PER2: variants seen among roughly 807,000 people sequenced by gnomAD.
PER2 encodes the protein period circadian protein homolog 2.
In PER2, 66 loss-of-function variants were observed where a neutral mutation model predicts 121.0. That is an observed-to-expected ratio of 0.55 (90% confidence interval 0.45 to 0.67). The LOEUF (loss-of-function observed/expected upper bound fraction) is 0.67. Among genes scored for constraint, PER2 ranks in the 30% least tolerant of loss-of-function variants. The pLI is 0.00. For missense variants in PER2, 1,521 were observed against 1,635.0 expected (o/e 0.93, Z 1.20); for synonymous variants, 684 against 659.9 (o/e 1.04, Z -0.56).
chr2:238,286,194 C>G (rs1696777126), intron 1 of PER2, among the ~76,000 whole-genome samples: 1 of 152,102 alleles, frequency 6.6e-6, no homozygotes, highest in Admixed American at 6.5e-5. Context: ...CTGAGCTACT[C>G]CGAATTGCAG....
chr2:238,277,791 G>A lies in PER2; in HGVS notation c.146C>T (p.Thr49Met), dbSNP rs760615417. The A allele has an allele frequency of 2.3e-5, 37 of 1,614,040 alleles. No individual in the cohort carries two copies. In the Admixed American group the frequency reaches 3.5e-4, roughly 15 times the overall value. Residue 49 changes from threonine (T) to methionine (M), a missense_variant, in exon 2 of 23, where the codon ACG becomes ATG. Thr to Met is a moderately conservative substitution (Grantham distance 81, BLOSUM62 -1). Coordinates refer to ENST00000254657, the MANE Select transcript of PER2 (RefSeq NM_022817.3). ...GTCACTGCCCTGCGAGTCCCGCCCCGTGGAGCAGTTTTCGTTGGTCTCATG... is the reference window on the plus strand; with the variant it reads ...GTCACTGCCCTGCGAGTCCCGCCCCATGGAGCAGTTTTCGTTGGTCTCATG... ...SGHETNENCSTGRDSQGSDCD... is the reference protein window; with the variant it reads ...SGHETNENCSMGRDSQGSDCD...
At chr2:238,295,730 C>G in the PER2 span, 1 of 158,010 alleles carries the variant, frequency 6.3e-6, no homozygotes, top group African/African-American at 2.4e-5. Context: ...TCCTCCTCAA[C>G]AGATGGAGTC....
intron 16 of PER2, among the ~76,000 whole-genome samples, chr2:238,257,657 A>G (rs1695803767): frequency 6.6e-6 from 1 of 152,160 alleles, no homozygotes; most frequent in South Asian, 2.1e-4. Flanking sequence ...TATTTTTAGT[A>G]GAGATGGGGT....
At position 238,277,257 on chromosome 2, in the gene PER2, G is replaced by A. The variant is rs1005338641; in HGVS notation, c.231-64C>T. On this transcript the variant is annotated intron_variant, in intron 2 of 22. Transcript: ENST00000254657. ...GTATGCTCCAGACACATCTTCCCCTGCCATCCTACCAGTGATAACAGGCTA... is the reference window on the plus strand; with the variant it reads ...GTATGCTCCAGACACATCTTCCCCTACCATCCTACCAGTGATAACAGGCTA... 9.3e-5 allele frequency: 98 copies of A among 1,055,860 alleles called. 1 individual carries two copies. Among genetic ancestry groups the A allele is most frequent in the East Asian group, 1.4e-4 (6 of 42,370 alleles). The allele number at this position is 1,055,860 out of a possible 1,614,324, so 65.4% of individuals were successfully genotyped here.
chr2:238,282,075 G>A (rs566133895), intron 1 of PER2, among the ~76,000 whole-genome samples: 12 of 152,234 alleles, frequency 7.9e-5, no homozygotes, highest in African/African-American at 2.2e-4. Flanking sequence ...GCTTACGCCC[G>A]GCCCGTGCTC....
At chr2:238,288,892 A>G (rs1407647553), upstream of PER2, among the ~76,000 whole-genome samples, 2 of 151,584 alleles carry the variant, frequency 1.3e-5, no homozygotes, top group African/African-American at 4.8e-5. Flanking sequence ...GGGCCTACGA[A>G]CGCCGCGCGC....
chr2:238,278,720 G>A (rs965343550), intron 1 of PER2, among the ~76,000 whole-genome samples: 1 of 152,202 alleles, frequency 6.6e-6, no homozygotes, highest in African/African-American at 2.4e-5. Context: ...GAGACATGGG[G>A]ACAGACAGGG....
chr2:238,279,204 G>A (rs1696553778), intron 1 of PER2, among the ~76,000 whole-genome samples: 1 of 152,204 alleles, frequency 6.6e-6, no homozygotes, highest in Non-Finnish European at 1.5e-5. Flanking sequence ...CTCAAGCGGG[G>A]CACTGGAGAG....
chr2:238,279,796 C>G (rs1055940857), intron 1 of PER2, among the ~76,000 whole-genome samples: 2 of 152,272 alleles, frequency 1.3e-5, no homozygotes, highest in East Asian at 3.9e-4. Context: ...CCTAGAAGTC[C>G]CGAAGGGTCC....
intron 4 of PER2, among the ~76,000 whole-genome samples, chr2:238,273,695 C>T (rs1298838884): frequency 6.6e-6 from 1 of 152,050 alleles, no homozygotes; most frequent in African/African-American, 2.4e-5. Flanking sequence ...GAGATGGAGG[C>T]TTGCTCTGTC....
chr2:238,277,713 C>T lies in PER2; in HGVS notation c.224G>A (p.Arg75His), dbSNP rs755588451. Residue 75 changes from arginine to histidine, a missense_variant, in exon 2 of 23, where the codon CGC becomes CAC. Arg to His is a conservative substitution (Grantham distance 29, BLOSUM62 0). Transcript: ENST00000254657. ...GGCCAGAGGCTGAACTCACCTCTGG[C>T]GGGCATCCGGTGGCTCCACCAGCAT... ...LGMLVEPPDARQSPDTFSLMM... is the reference protein window; with the variant it reads ...LGMLVEPPDAHQSPDTFSLMM... 5 of 1,614,064 alleles carry T rather than the reference C, an allele frequency of 3.1e-6. No individual in the cohort carries two copies. Among genetic ancestry groups the T allele is most frequent in the Non-Finnish European group, 4.2e-6 (5 of 1,180,004 alleles).
At chr2:238,248,119 C>G (rs1695496187) in intron 22 of PER2, among the ~76,000 whole-genome samples, 1 of 152,154 alleles carries the variant, frequency 6.6e-6, no homozygotes, top group South Asian at 2.1e-4. Flanking sequence ...CGAGGGTGGG[C>G]AGAAGAGGAA....
rs144184490 is a variant in PER2, at chr2:238,287,714, G to C, written c.-20+635C>G. On this transcript the variant is annotated intron_variant, in intron 1 of 22. Transcript: ENST00000254657. ...GGGGTTACTCTGGGTGATTTTCAGG[G>C]TGCCTTCTGGCTCTGTTGTTCTGTA... Among the ~76,000 whole-genome samples, 272 of 152,316 alleles carry C rather than the reference G, an allele frequency of 1.8e-3. 1 individual carries two copies. Among genetic ancestry groups the C allele is most frequent in the African/African-American group, 6.2e-3 (257 of 41,566 alleles).
Position 238,250,553 on chromosome 2 carries a change from G to A in PER2, c.3465C>T (p.Ser1155=). 1.9e-6 allele frequency: 3 copies of A among 1,610,536 alleles called. No homozygotes were observed. The highest frequency in any genetic ancestry group is 1.7e-6 in the Non-Finnish European group (2 of 1,178,202). ...CTAGGAAAACGCTGGGTGGTTACCG[G>A]GAAGGCAGCTGGTACGTCATCATGA... is the stretch of plus-strand genomic sequence containing the variant. The part of the protein sequence containing the change: ...SSVMMTYQLP[S]RNLEAVLKED... The change falls in exon 21 of 23, where the codon TCC becomes TCT. Residue 1155 remains serine, a splice_region_variant and synonymous_variant. Transcript: ENST00000254657.
At chr2:238,297,050 CAAAT>C in the PER2 span, among the ~76,000 whole-genome samples, 1 of 152,204 alleles carries the variant, frequency 6.6e-6, no homozygotes, top group Non-Finnish European at 1.5e-5. Flanking sequence ...GGAAGAGTCA[CAAAT>C]AACCCCCAAA....
intron 4 of PER2, 45 bp from the exon 5 acceptor site, chr2:238,273,236 T>C (rs1246661937): frequency 1.2e-6 from 2 of 1,603,562 alleles, no homozygotes; most frequent in African/African-American, 1.3e-5. Context: ...ACCCAGCGCT[T>C]GGCCGGAGAC....
rs1280346081 is a variant in PER2 at position 238,252,617 on chromosome 2, T to G, written c.3111+295A>C. 6.6e-6 allele frequency among the ~76,000 whole-genome samples: 1 copy of G among 152,208 alleles called. No individual in the cohort carries two copies. The highest frequency in any genetic ancestry group is 1.5e-5 in the Non-Finnish European group (1 of 68,042). The stretch of plus-strand genomic sequence containing the variant: ...TGTGCTTTATCTCTGAAGCGTCATT[T>G]AAAAAGTCGAAGCCCACAAATACTG... On this transcript the variant is annotated intron_variant, in intron 19 of 22. Coordinates refer to ENST00000254657, the MANE Select transcript of PER2 (RefSeq NM_022817.3). This position sits in a 1 kb window ranked among gnomAD's most constrained non-coding sequence, Gnocchi z 4.2.
chr2:238,295,957 G>A, the PER2 span: 2 of 252,492 alleles, frequency 7.9e-6, no homozygotes, highest in Non-Finnish European at 1.6e-5. Flanking sequence ...GGTGACACGT[G>A]CTGCTGAATG....
In PER2 at chr2:238,253,383, A is replaced by G; in HGVS notation, c.2640T>C (p.Ala880=). 1 of 1,612,260 alleles carries G rather than the reference A, an allele frequency of 6.2e-7. No homozygotes were observed. The highest frequency in any genetic ancestry group is 1.1e-5 in the South Asian group (1 of 90,948). Residue 880 remains alanine (A), a synonymous_variant, in exon 19 of 23, where the codon GCT becomes GCC. Coordinates refer to ENST00000254657, the MANE Select transcript of PER2 (RefSeq NM_022817.3). This position sits in a 1 kb window ranked among gnomAD's most constrained non-coding sequence, Gnocchi z 5.6. The part of the protein sequence containing the change: ...APPHASFTVP[A]VPVDLQHQFA... ...ACTGGTGCTGGAGGTCCACGGGCAC[A>G]GCAGGCACTGTGAAGCTGGCGTGGG...
Sources: gnomAD v4.1 joint callset for allele counts (sites outside exome capture counted in the v4.1 genomes callset) on GRCh38, gnomAD v4.1.1 for gene constraint, Gnocchi (gnomAD v3.1) non-coding constraint, MANE v1.5 for transcripts, NCBI Gene and HGNC (gene_info 2026-07-23, HGNC 2026-07-21) for gene names.